The following SPTA1 variants were observed in gnomAD, a reference collection of about 807,000 sequenced individuals.
SPTA1 encodes spectrin alpha, erythrocytic 1.
In SPTA1, 177 loss-of-function variants were observed where a neutral mutation model predicts 324.7. The observed-to-expected ratio is 0.55, with a 90% CI of 0.48 to 0.62. The LOEUF is 0.62. SPTA1 is among the 20% of genes least tolerant of loss of function. The probability of loss-of-function intolerance (pLI) is 0.00; values close to 1 mark genes in which losing one functional copy is unlikely to be tolerated. For synonymous variants in SPTA1, 1,195 were observed against 1,041.3 expected, an observed-to-expected ratio of 1.15 and a Z score of -2.84; for missense variants, 3,162 against 2,883.6, an observed-to-expected ratio of 1.10 and a Z score of -2.21.
At chr1:158,632,085 T>C (rs1305468443) in intron 39 of SPTA1, among the ~76,000 whole-genome samples, 1 of 152,164 alleles carries the variant, frequency 6.6e-6, no homozygotes. Context: ...AAATGTGGTA[T>C]ATTCATTCAA....
intron 32 of SPTA1, 27 bp downstream of exon 32, chr1:158,642,787 T>C (rs1264283279): frequency 6.2e-7 from 1 of 1,613,764 alleles, no homozygotes. Context: ...ATGGTGAAAT[T>C]TTCCAAGATT....
At position 158,636,643 on chromosome 1, in the gene SPTA1, G is replaced by C; in HGVS notation, c.5308C>G (p.Gln1770Glu). 6.2e-7 allele frequency: 1 copy of C among 1,613,966 alleles called. No homozygotes were observed. Among genetic ancestry groups the C allele is most frequent in the East Asian group, 2.2e-5 (1 of 44,870 alleles). ...CAGATCTGGTATTCTATTCCTACCT[G>C]GATGGCAGGCTCATGGGCCACCAGC... ...GELVAHEPAI[Q>E]NVLDMAEKLK... The change falls in exon 37 of 52, where the codon CAG (glutamine) becomes GAG (glutamate). Residue 1770 changes from glutamine to glutamate, a missense_variant and splice_region_variant. Transcript: ENST00000643759.
rs1020192828 is a variant in SPTA1 at position 158,614,211 on chromosome 1, T to C, written c.6842+42A>G. 1.0e-5 allele frequency: 14 copies of C among 1,396,944 alleles called. No individual in the cohort carries two copies. In the Admixed American group the frequency reaches 2.0e-4, roughly 20 times the overall value. The allele number at this position is 1,396,944 out of a possible 1,614,324, so 86.5% of individuals were successfully genotyped here. A position where few individuals can be genotyped will look rare whatever the true frequency, so the allele number is the denominator to read the frequency against. On this transcript the variant is annotated intron_variant, in intron 49 of 51. Transcript: ENST00000643759. ...TTATTTGTAGACTCATTCTGAATAA[T>C]CTGAAAAACAAAGAAGCAGTTAACT...
intron 15 of SPTA1, among the ~76,000 whole-genome samples, chr1:158,667,122 G>T (rs539201857): frequency 6.6e-6 from 1 of 152,078 alleles, no homozygotes; most frequent in South Asian, 2.1e-4. Flanking sequence ...GTCATACCAA[G>T]TTTGATTTTG....
At chr1:158,645,736 G>A (rs967230246) in intron 27 of SPTA1, 142 bp from the exon 28 acceptor site, 16 of 860,710 alleles carry the variant, frequency 1.9e-5, no homozygotes, top group African/African-American at 1.0e-4. Context: ...CAGATCTTAC[G>A]TTTGCTGTTT....
chr1:158,647,606 G>T lies in SPTA1; in HGVS notation c.3829C>A (p.Arg1277Ser). 1.9e-6 allele frequency: 3 copies of T among 1,613,852 alleles called. No homozygotes were observed. The highest frequency in any genetic ancestry group is 2.7e-5 in the African/African-American group (2 of 74,986). Residue 1277 changes from arginine (R) to serine (S), a missense_variant, in exon 27 of 52, where the codon CGT becomes AGT. Physicochemically the swap from Arg to Ser is moderately radical, Grantham distance 110. Transcript: ENST00000643759. ...AGGCTCTCCTTACGATCCTTTGTAC[G>T]CCCCTGCAGGTCTTCCCAGGCCTCA... ...LNEAWEDLQG[R>S]TKDRKESLNE... is the part of the protein sequence containing the mutation.
At chr1:158,679,809 A>G (rs1331098468) in intron 5 of SPTA1, among the ~76,000 whole-genome samples, 1 of 152,190 alleles carries the variant, frequency 6.6e-6, no homozygotes, top group Non-Finnish European at 1.5e-5. Context: ...ACAGCAAGAG[A>G]AAAGTGATGG....
At position 158,667,845 on chromosome 1, in the gene SPTA1, C is replaced by T; in HGVS notation, c.2038+13G>A. ...TTAGAAAATGACCTTTCACCAAAAC[C>T]TCTGCTTTTTACCTTTCTGTTTTGT... On this transcript the variant is annotated intron_variant, in intron 15 of 51. Coordinates refer to ENST00000643759, the MANE Select transcript of SPTA1 (RefSeq NM_003126.4). 6.2e-7 allele frequency: 1 copy of T among 1,613,176 alleles called. No homozygotes were observed. The highest frequency in any genetic ancestry group is 1.1e-5 in the South Asian group (1 of 91,032).
intron 16 of SPTA1, among the ~76,000 whole-genome samples, chr1:158,664,259 C>G (rs1175819497): frequency 1.3e-5 from 2 of 152,088 alleles, no homozygotes. Flanking sequence ...TTTACAATAG[C>G]AAAGACTTAA....
chr1:158,615,511 T>C, intron 47 of SPTA1, 108 bp from the exon 48 acceptor site: 2 of 1,118,206 alleles, frequency 1.8e-6, no homozygotes, highest in Non-Finnish European at 2.6e-6. Flanking sequence ...GGAATCTTCT[T>C]GTTCTCTGTG....
intron 24 of SPTA1, among the ~76,000 whole-genome samples, chr1:158,651,016 A>T (rs1005714147): frequency 2.0e-5 from 3 of 152,314 alleles, no homozygotes; most frequent in African/African-American, 7.2e-5. Context: ...TGTCCAGTGT[A>T]ATATTATCTA....
Position 158,627,613 on chromosome 1 carries a change from G to A in SPTA1, c.5664+12C>T. On this transcript the variant is annotated intron_variant, in intron 40 of 51. Transcript: ENST00000643759. ...AATGGAAGTTTGAGCTGGAATTCCT[G>A]AACTAGCTCACCTTATTTAGGATGT... 6.2e-7 allele frequency: 1 copy of A among 1,612,182 alleles called. No homozygotes were observed. The highest frequency in any genetic ancestry group is 8.5e-7 in the Non-Finnish European group (1 of 1,178,602).
rs776240389 is a variant in SPTA1 at position 158,620,156 on chromosome 1, G to A, written c.6417+14C>T. 77 of 1,614,028 alleles carry A rather than the reference G, an allele frequency of 4.8e-5. No individual in the cohort carries two copies. The highest frequency in any genetic ancestry group is 2.5e-4 in the East Asian group (11 of 44,870). ...ACTGTAGTGAAAGGAAGTTTCTGCC[G>A]TGTTCCAGGTTACCTCAATGATGTC... On this transcript the variant is annotated intron_variant, in intron 44 of 51. Transcript: ENST00000643759.
rs377021666 is a variant in SPTA1 at position 158,680,717 on chromosome 1, T to C, written c.544A>G (p.Thr182Ala). The change falls in exon 5 of 52, where the codon ACA becomes GCA. Residue 182 changes from threonine (T) to alanine (A), a missense_variant. Coordinates refer to ENST00000643759, the MANE Select transcript of SPTA1 (RefSeq NM_003126.4). Reference protein sequence around the residue: ...EWIGDKEAIATSVELGEDWER... With the variant: ...EWIGDKEAIAASVELGEDWER... Reference sequence around the variant, plus strand: ...CAGTCTTCACCTAGCTCCACTGATGTCGCTATAGCCTCCTGTAGACACAGA... The same window carrying C: ...CAGTCTTCACCTAGCTCCACTGATGCCGCTATAGCCTCCTGTAGACACAGA... The C allele has an allele frequency of 6.2e-7, 1 of 1,613,758 alleles. No homozygotes were observed.
intron 49 of SPTA1, 96 bp from the exon 50 acceptor site, chr1:158,613,963 TTA>T: frequency 7.2e-7 from 1 of 1,388,718 alleles, no homozygotes. Flanking sequence ...AGCTGAAGCT[TTA>T]TTGACCTGTC....
chr1:158,673,352 G>A (rs936364682), intron 10 of SPTA1, among the ~76,000 whole-genome samples: 4 of 152,092 alleles, frequency 2.6e-5, no homozygotes, highest in African/African-American at 4.8e-5. Context: ...AGAGGCATGC[G>A]GATCTTACTG....
In SPTA1 at chr1:158,652,589, A is replaced by C; in HGVS notation, c.3253T>G (p.Phe1085Val). The C allele has an allele frequency of 1.2e-6, 2 of 1,614,132 alleles. No individual in the cohort carries two copies. Among genetic ancestry groups the C allele is most frequent in the Non-Finnish European group, 8.5e-7 (1 of 1,180,032 alleles). The stretch of plus-strand genomic sequence containing the variant: ...TCTCCTGCCTCATAGGCCAATAAAA[A>C]TTCATTATAACGTTGCAATAGACGA... ...RRRLLQRYNE[F>V]LLAYEAGDML... The change falls in exon 23 of 52, where the codon TTT (phenylalanine) becomes GTT (valine). Residue 1085 changes from phenylalanine (F) to valine (V), a missense_variant. Coordinates refer to ENST00000643759, the MANE Select transcript of SPTA1 (RefSeq NM_003126.4).
intron 38 of SPTA1, among the ~76,000 whole-genome samples, 164 bp from the exon 39 acceptor site, chr1:158,634,839 G>T (rs1650947475): frequency 6.6e-6 from 1 of 152,170 alleles, no homozygotes; most frequent in Non-Finnish European, 1.5e-5. Flanking sequence ...ACTGCTCAGT[G>T]GTGAAGATCT....
intron 27 of SPTA1, among the ~76,000 whole-genome samples, chr1:158,646,068 C>T (rs750069596): frequency 1.3e-5 from 2 of 152,114 alleles, no homozygotes; most frequent in African/African-American, 4.8e-5. Context: ...TCATGTCTTT[C>T]CTCTTACTTT....
Sources: allele counts gnomAD v4.1 joint callset (sites outside exome capture counted in the v4.1 genomes callset), GRCh38; gene constraint gnomAD v4.1.1; transcripts MANE v1.5; gene names NCBI Gene and HGNC (gene_info 2026-07-23, HGNC 2026-07-21).